Variants in FRMD3 observed in about 807,000 individuals in gnomAD.
The protein encoded by FRMD3 is FERM domain containing 3, also known as FERM domain-containing protein 3.
A neutral mutation model predicts 70.2 loss-of-function variants in FRMD3; 33 were observed. The ratio of observed to expected loss-of-function variants is 0.47; its 90% CI spans 0.36 to 0.63. The LOEUF (loss-of-function observed/expected upper bound fraction) is 0.63. FRMD3 is among the 20% of genes least tolerant of loss of function. FRMD3 has a pLI of 0.00. For missense variants in FRMD3, 632 were observed against 711.4 expected, an observed-to-expected ratio of 0.89 and a Z score of 1.27; for synonymous variants, 279 against 255.9, an observed-to-expected ratio of 1.09 and a Z score of -0.86.
At chr9:83,417,785 A>G (rs1262617773) in intron 1 of FRMD3, among the ~76,000 whole-genome samples, 2 of 152,350 alleles carry the variant, frequency 1.3e-5, no homozygotes, top group East Asian at 3.9e-4. Context: ...CATTTAAGGA[A>G]TGTTCAGGGG....
intron 1 of FRMD3, among the ~76,000 whole-genome samples, chr9:83,412,355 C>G (rs565864247): frequency 6.6e-6 from 1 of 151,984 alleles, no homozygotes; most frequent in Non-Finnish European, 1.5e-5. Context: ...TTTGTACATA[C>G]CTTTGGTGAA....
intron 1 of FRMD3, among the ~76,000 whole-genome samples, chr9:83,492,977 A>G (rs565727044): frequency 1.3e-5 from 2 of 152,304 alleles, no homozygotes; most frequent in Non-Finnish European, 2.9e-5. Context: ...CAGGAAAATG[A>G]AATACCAGTC....
chr9:83,378,866 T>TATATATATAAATTTTATATAAATATATAC (rs1564048148), intron 2 of FRMD3, among the ~76,000 whole-genome samples: 24 of 133,964 alleles, frequency 1.8e-4, no homozygotes, highest in African/African-American at 6.6e-4. Context: ...TAAATATATA[T>TATATATATAAATTTTATATAAATATATAC]ACACTATATA....
chr9:83,533,462 A>G (rs1829829642), intron 1 of FRMD3, among the ~76,000 whole-genome samples: 1 of 152,212 alleles, frequency 6.6e-6, no homozygotes, highest in Non-Finnish European at 1.5e-5. Context: ...CTTTTGTTTT[A>G]CAAAAGAAAA....
intron 13 of FRMD3, among the ~76,000 whole-genome samples, chr9:83,255,322 AT>A (rs2118607760): frequency 1.3e-5 from 2 of 152,326 alleles, no homozygotes; most frequent in African/African-American, 4.8e-5. Context: ...CTCCAATAAA[AT>A]TCAACTTCCC....
intron 5 of FRMD3, among the ~76,000 whole-genome samples, chr9:83,342,696 A>ATGGATGGATAGAT: frequency 1.4e-5 from 1 of 72,816 alleles, no homozygotes; most frequent in East Asian, 4.3e-4. Context: ...GATAGATTAG[A>ATGGATGGATAGAT]TAGATAGATA....
intron 8 of FRMD3, 80 bp from the exon 9 acceptor site, chr9:83,310,628 C>G: frequency 9.6e-7 from 1 of 1,037,452 alleles, no homozygotes; most frequent in East Asian, 2.4e-5. Context: ...AGGAATCTGA[C>G]TCAAAAATGC....
At chr9:83,489,015 T>C (rs150032859) in intron 1 of FRMD3, among the ~76,000 whole-genome samples, 137 of 131,688 alleles carry the variant, frequency 1.0e-3, no homozygotes, top group South Asian at 3.2e-3. Flanking sequence ...TGTGTGTGTG[T>C]GCTTGTGTGT....
chr9:83,443,524 T>A (rs1827367568), intron 1 of FRMD3, among the ~76,000 whole-genome samples: 1 of 152,272 alleles, frequency 6.6e-6, no homozygotes, highest in Non-Finnish European at 1.5e-5. Context: ...CCATATTTTC[T>A]TAATCCAGTC....
At chr9:83,343,785 G>T (rs1823859416) in intron 4 of FRMD3, among the ~76,000 whole-genome samples, 1 of 152,228 alleles carries the variant, frequency 6.6e-6, no homozygotes, top group South Asian at 2.1e-4. Context: ...TATGAGGCCA[G>T]AAAGGCAACT....
intron 12 of FRMD3, among the ~76,000 whole-genome samples, chr9:83,296,102 C>T (rs183080156): frequency 2.2e-3 from 338 of 152,278 alleles, no homozygotes; most frequent in African/African-American, 6.5e-3. Context: ...CACCTCTGAA[C>T]GCCCACCACA....
rs575178341 is a variant in FRMD3 at position 83,425,959 on chromosome 9, G to A, written c.148-36251C>T. Among the ~76,000 whole-genome samples the A allele has an allele frequency of 4.6e-5, 7 of 150,764 alleles. No individual in the cohort carries two copies. The East Asian group carries it at 1.2e-3, about 25-fold the overall frequency. ...TTCCTGGCCCTTGCGTGGAGAACAGGGCTAGAAGAGGAAGAGATTATTAAA... is the reference window on the plus strand; with the variant it reads ...TTCCTGGCCCTTGCGTGGAGAACAGAGCTAGAAGAGGAAGAGATTATTAAA... On this transcript the variant is annotated intron_variant, in intron 1 of 13. Transcript: ENST00000304195.
At chr9:83,351,899 A>T (rs1241829160) in intron 3 of FRMD3, among the ~76,000 whole-genome samples, 2 of 152,170 alleles carry the variant, frequency 1.3e-5, no homozygotes, top group East Asian at 3.8e-4. Flanking sequence ...ATATGCCAAC[A>T]TGATTGTATT....
At chr9:83,348,955 A>G (rs1326050877) in intron 4 of FRMD3, among the ~76,000 whole-genome samples, 1 of 152,234 alleles carries the variant, frequency 6.6e-6, no homozygotes, top group African/African-American at 2.4e-5. Context: ...TTTCTGTTGC[A>G]TCTATCTGTA....
chr9:83,246,820 A>G lies in FRMD3; in HGVS notation c.*1098T>C. 1 of 985,284 alleles carries G rather than the reference A, an allele frequency of 1.0e-6. No homozygotes were observed. Among genetic ancestry groups the G allele is most frequent in the Non-Finnish European group, 1.2e-6 (1 of 829,808 alleles). The allele number at this position is 985,284 out of a possible 1,614,324, so 61.0% of individuals were successfully genotyped here. A position where few individuals can be genotyped will look rare whatever the true frequency, so the allele number is the denominator to read the frequency against. ...CTTAAACATGTTCATGTTAACTCAG[A>G]CAGCGACTGCACTGCTCTTCACATC... On this transcript the variant is annotated 3_prime_UTR_variant, in exon 14 of 14. Transcript: ENST00000304195.
intron 13 of FRMD3, among the ~76,000 whole-genome samples, chr9:83,283,326 C>G (rs548584361): frequency 6.6e-6 from 1 of 151,808 alleles, no homozygotes; most frequent in African/African-American, 2.4e-5. Flanking sequence ...GTCAGGAGAT[C>G]GAGACCATCC....
chr9:83,306,145 T>A (rs1303731942), intron 10 of FRMD3, among the ~76,000 whole-genome samples: 1 of 152,184 alleles, frequency 6.6e-6, no homozygotes, highest in East Asian at 1.9e-4. Flanking sequence ...CAAATGAATG[T>A]CTCCAAGTTA....
intron 1 of FRMD3, among the ~76,000 whole-genome samples, chr9:83,405,483 T>A (rs1163190600): frequency 6.6e-6 from 1 of 151,862 alleles, no homozygotes. Context: ...TCCATAGAGC[T>A]GGGCACAGTG....
Position 83,350,552 on chromosome 9 carries a change from G to A in FRMD3, c.296-795C>T, listed in dbSNP as rs1001008620. Among the ~76,000 whole-genome samples, 18 of 148,432 alleles carry A rather than the reference G, an allele frequency of 1.2e-4. 1 individual carries two copies. The highest frequency in any genetic ancestry group is 1.5e-5 in the Non-Finnish European group (1 of 67,490). ...GCAGGAGAATTGCTTGAACCCAGGAGGCGGAGGTTGCAGTGAGCTGACATT... is the reference window on the plus strand; with the variant it reads ...GCAGGAGAATTGCTTGAACCCAGGAAGCGGAGGTTGCAGTGAGCTGACATT... On this transcript the variant is annotated intron_variant, in intron 3 of 13. Transcript: ENST00000304195.
Sources: gnomAD v4.1 joint callset for allele counts (sites outside exome capture counted in the v4.1 genomes callset) on GRCh38, gnomAD v4.1.1 for gene constraint, MANE v1.5 for transcripts, NCBI Gene and HGNC (gene_info 2026-07-23, HGNC 2026-07-21) for gene names.